Variants in EZH2 observed in about 807,000 individuals in gnomAD.
The protein encoded by EZH2 is histone-lysine N-methyltransferase EZH2.
Under a neutral mutation model 98.4 loss-of-function variants are expected in EZH2, and 18 were observed. The observed-to-expected ratio is 0.18, with a 90% confidence interval of 0.13 to 0.27. EZH2 has a LOEUF of 0.27. EZH2 is among the 10% of genes least tolerant of loss of function. The probability of loss-of-function intolerance (pLI) is 1.00; values close to 1 mark genes in which losing one functional copy is unlikely to be tolerated. For synonymous variants in EZH2, 338 were observed against 312.3 expected (o/e 1.08, Z -0.87); for missense variants, 470 against 935.1 (o/e 0.50, Z 6.49).
Position 148,810,318 on chromosome 7 carries a change from AG to A in EZH2, c.2029+14del. The A allele has an allele frequency of 6.3e-7, 1 of 1,590,940 alleles. No homozygotes were observed. The highest frequency in any genetic ancestry group is 1.7e-4 in the Middle Eastern group (1 of 5,994). On this transcript the variant is annotated intron_variant, in intron 17 of 19. Transcript: ENST00000320356. The stretch of plus-strand genomic sequence containing the variant: ...GCAACTCAGGAACTCACTGCCTCCC[AG>A]CTCTGAAACATACCATTGTTCAAGT...
chr7:148,860,821 A>G lies in EZH2; in HGVS notation c.-7-13516T>C, dbSNP rs546523807. Among the ~76,000 whole-genome samples the G allele has an allele frequency of 2.6e-5, 4 of 152,200 alleles. No individual in the cohort carries two copies. In the South Asian group the frequency reaches 8.3e-4, roughly 32 times the overall value. ...CAGGTAGCTGGGACCACATGTGCACACTACCATGTCTGGCTATTGTTTTCT... is the reference window on the plus strand; with the variant it reads ...CAGGTAGCTGGGACCACATGTGCACGCTACCATGTCTGGCTATTGTTTTCT... On this transcript the variant is annotated intron_variant, in intron 1 of 19. Coordinates refer to ENST00000320356, the MANE Select transcript of EZH2 (RefSeq NM_004456.5).
intron 6 of EZH2, among the ~76,000 whole-genome samples, chr7:148,827,885 A>G (rs1464245112): frequency 1.3e-5 from 2 of 152,234 alleles, no homozygotes; most frequent in Non-Finnish European, 2.9e-5. Context: ...TGGGAGGCCG[A>G]GGCAGGTGGA....
chr7:148,839,225 C>A (rs1020138181), intron 3 of EZH2, among the ~76,000 whole-genome samples: 2 of 152,104 alleles, frequency 1.3e-5, no homozygotes, highest in Non-Finnish European at 2.9e-5. Context: ...TGCTGATCTT[C>A]AAAAACAAGT....
At chr7:148,872,452 T>C (rs1284005791) in intron 1 of EZH2, among the ~76,000 whole-genome samples, 1 of 152,196 alleles carries the variant, frequency 6.6e-6, no homozygotes, top group Non-Finnish European at 1.5e-5. Context: ...GAACTGTACA[T>C]TTTTAAATGG....
intron 15 of EZH2, among the ~76,000 whole-genome samples, 162 bp downstream of exon 15, chr7:148,813,797 G>T (rs531435120): frequency 6.4e-4 from 98 of 151,956 alleles, no homozygotes; most frequent in Non-Finnish European, 1.2e-3. Flanking sequence ...ACTGCCCAAG[G>T]GTGCATTACC....
intron 8 of EZH2, 75 bp downstream of exon 8, chr7:148,826,377 AGT>A: frequency 9.2e-7 from 1 of 1,082,300 alleles, no homozygotes; most frequent in Non-Finnish European, 1.2e-6. Flanking sequence ...GATAAATTCT[AGT>A]TGTAATAAAT....
intron 1 of EZH2, chr7:148,883,326 A>T (rs1220424234): frequency 6.6e-6 from 1 of 152,290 alleles, no homozygotes; most frequent in Non-Finnish European, 1.5e-5. Context: ...ATTCAACAGG[A>T]CGCCCTCCAG....
At position 148,832,672 on chromosome 7, in the gene EZH2, T is replaced by C. The variant is rs1563254366; in HGVS notation, c.325A>G (p.Ile109Val). Residue 109 changes from isoleucine (I) to valine (V), a missense_variant, in exon 4 of 20, where the codon ATA becomes GTA. This residue lies in a region of EZH2 where 21 missense variants were observed against 84.2 expected (regional missense o/e 0.25). Coordinates refer to ENST00000320356, the MANE Select transcript of EZH2 (RefSeq NM_004456.5). ...TGTAGGGGAGACCAAGAATACATTA[T>C]GGGTACTGAAGCAACTGCATTCAGA... ...KTLNAVASVP[I>V]MYSWSPLQQN... 4.3e-6 allele frequency: 7 copies of C among 1,609,808 alleles called. No homozygotes were observed. Among genetic ancestry groups the C allele is most frequent in the South Asian group, 1.1e-5 (1 of 90,618 alleles).
chr7:148,866,394 C>A (rs1818446936), intron 1 of EZH2, among the ~76,000 whole-genome samples: 1 of 151,588 alleles, frequency 6.6e-6, no homozygotes, highest in South Asian at 2.1e-4. Flanking sequence ...TCCCAGCTTG[C>A]CCCTTCTATC....
At chr7:148,817,031 A>G (rs1804739703) in intron 11 of EZH2, 191 bp downstream of exon 11, 3 of 625,816 alleles carry the variant, frequency 4.8e-6, no homozygotes, top group Non-Finnish European at 8.1e-6. Context: ...AAAAGTCTAC[A>G]TTGGGGAAAT....
At chr7:148,875,567 T>A (rs1390652792) in intron 1 of EZH2, among the ~76,000 whole-genome samples, 1 of 152,256 alleles carries the variant, frequency 6.6e-6, no homozygotes, top group East Asian at 1.9e-4. Context: ...AATACTCATT[T>A]GATGGCCAAA....
chr7:148,863,755 T>G (rs1004618098), intron 1 of EZH2, among the ~76,000 whole-genome samples: 1 of 152,178 alleles, frequency 6.6e-6, no homozygotes, highest in African/African-American at 2.4e-5. Context: ...ACCTGCAAAG[T>G]GCTAGAAGAA....
chr7:148,811,724 G>C lies in EZH2; in HGVS notation c.1852-4C>G. 23 of 1,610,052 alleles carry C rather than the reference G, an allele frequency of 1.4e-5. No homozygotes were observed. Among genetic ancestry groups the C allele is most frequent in the South Asian group, 4.4e-5 (4 of 91,052 alleles). On this transcript the variant is annotated splice_polypyrimidine_tract_variant and splice_region_variant and intron_variant, in intron 15 of 19. Coordinates refer to ENST00000320356, the MANE Select transcript of EZH2 (RefSeq NM_004456.5). ...CAGATGGTGCCAGCAATAGATGCTA[G>C]AGAATAAAACACAATCACATCATCA...
chr7:148,871,260 G>T (rs868009715), intron 1 of EZH2, among the ~76,000 whole-genome samples: 2 of 152,016 alleles, frequency 1.3e-5, no homozygotes, highest in African/African-American at 4.8e-5. Context: ...TAAAAATCGT[G>T]CAGCCATTAT....
intron 7 of EZH2, 51 bp downstream of exon 7, chr7:148,827,113 T>C (rs770225867): frequency 7.3e-7 from 1 of 1,374,412 alleles, no homozygotes; most frequent in South Asian, 1.3e-5. Flanking sequence ...ACCAAAATGG[T>C]GAGTTACATA....
In EZH2 at chr7:148,811,694, C is replaced by G. The variant is rs1803131149; in HGVS notation, c.1878G>C (p.Val626=). ...CTTTGATAAAAATCCCCCAGCCTGC[C>G]ACGTCAGATGGTGCCAGCAATAGAT... is the stretch of plus-strand genomic sequence containing the variant. ...KKHLLLAPSD[V]AGWGIFIKDP... The change falls in exon 16 of 20, where the codon GTG becomes GTC. Residue 626 remains valine (V), a synonymous_variant. Coordinates refer to ENST00000320356, the MANE Select transcript of EZH2 (RefSeq NM_004456.5). 1 of 1,613,110 alleles carries G rather than the reference C, an allele frequency of 6.2e-7. No individual in the cohort carries two copies. The highest frequency in any genetic ancestry group is 1.1e-5 in the South Asian group (1 of 91,080).
In EZH2 at chr7:148,816,730, C is replaced by T. The variant is rs201135441; in HGVS notation, c.1459G>A (p.Ala487Thr). 780 of 1,614,098 alleles carry T rather than the reference C, an allele frequency of 4.8e-4. 9 individuals are homozygous for T. In the South Asian group the frequency reaches 8.0e-3, roughly 17 times the overall value. The part of the protein sequence containing the change: ...KESSIIAPAP[A>T]EDVDTPPRKK... Reference sequence around the variant, plus strand: ...CTTGGAGGAGTATCCACATCCTCAGCGGGAGCTGGAGCTATGATGCTAGAT... The same window carrying T: ...CTTGGAGGAGTATCCACATCCTCAGTGGGAGCTGGAGCTATGATGCTAGAT... The change falls in exon 12 of 20, where the codon GCT becomes ACT. Residue 487 changes from alanine to threonine, a missense_variant. Ala to Thr is a moderately conservative substitution (Grantham distance 58, BLOSUM62 0). Transcript: ENST00000320356.
chr7:148,837,227 T>C (rs1811131604), intron 3 of EZH2, among the ~76,000 whole-genome samples: 1 of 152,210 alleles, frequency 6.6e-6, no homozygotes, highest in South Asian at 2.1e-4. Flanking sequence ...GGGGAAAACA[T>C]ACAATCAATT....
intron 6 of EZH2, 64 bp downstream of exon 6, chr7:148,828,676 C>T: frequency 6.5e-7 from 1 of 1,542,506 alleles, no homozygotes. Flanking sequence ...CCTATTTCTA[C>T]TCTTTCTACT....
Sources: allele counts gnomAD v4.1 joint callset (sites outside exome capture counted in the v4.1 genomes callset), GRCh38; gene constraint gnomAD v4.1.1; regional missense constraint gnomAD v4.1.1; transcripts MANE v1.5; gene names NCBI Gene and HGNC (gene_info 2026-07-23, HGNC 2026-07-21).